Variants in MYH9 observed in about 807,000 individuals in gnomAD.
MYH9 encodes the protein myosin-9.
In MYH9, 29 loss-of-function variants were observed where a neutral mutation model predicts 241.9. The observed-to-expected ratio is 0.12, with a 90% confidence interval of 0.09 to 0.16. The LOEUF (loss-of-function observed/expected upper bound fraction) is 0.16, where lower values mean the gene tolerates loss of function less well. Among genes scored for constraint, MYH9 ranks in the 10% least tolerant of loss-of-function variants. The pLI is 1.00. For synonymous variants in MYH9, 1,047 were observed against 1,062.6 expected (o/e 0.99, Z 0.29); for missense variants, 1,803 against 2,595.5 (o/e 0.69, Z 6.63).
Position 36,292,130 on chromosome 22 carries a change from C to T in MYH9, c.4200G>A (p.Arg1400=). Residue 1400 remains arginine, a synonymous_variant, in exon 31 of 41, where the codon CGG becomes CGA. Coordinates refer to ENST00000216181, the MANE Select transcript of MYH9 (RefSeq NM_002473.6). The part of the protein sequence containing the change: ...LQKDLEGLSQ[R]HEEKVAAYDK... ...CGTAGGCGGCCACCTTCTCCTCGTG[C>T]CGCTGGCTCAGGCCCTCCAGGTCCT... is the stretch of plus-strand genomic sequence containing the variant. 2 of 1,614,216 alleles carry T rather than the reference C, an allele frequency of 1.2e-6. No individual in the cohort carries two copies. The highest frequency in any genetic ancestry group is 1.7e-6 in the Non-Finnish European group (2 of 1,180,050).
chr22:36,319,470 C>T, intron 10 of MYH9, 70 bp downstream of exon 10: 1 of 1,443,784 alleles, frequency 6.9e-7, no homozygotes, highest in Non-Finnish European at 9.7e-7. Context: ...TCCGCAAGAC[C>T]TTCCCTCCTG....
At chr22:36,384,450 G>A (rs1166723371) in intron 1 of MYH9, among the ~76,000 whole-genome samples, 1 of 149,126 alleles carries the variant, frequency 6.7e-6, no homozygotes, top group East Asian at 2.0e-4. Context: ...GGGTGTGGTG[G>A]TGGGCACCTG....
chr22:36,365,633 G>A (rs1440900859), intron 1 of MYH9, among the ~76,000 whole-genome samples: 2 of 151,946 alleles, frequency 1.3e-5, no homozygotes, highest in Non-Finnish European at 2.9e-5. Context: ...GCTAAATTTT[G>A]TATTTTTAGC....
Position 36,288,332 on chromosome 22 carries a change from C to T in MYH9, c.4852G>A (p.Asp1618Asn). Residue 1618 changes from aspartate to asparagine, a missense_variant, in exon 34 of 41, where the codon GAC (aspartate) becomes AAC (asparagine). This residue lies in a region of MYH9 where 876 missense variants were observed against 1,077.8 expected (regional missense o/e 0.81). Coordinates refer to ENST00000216181, the MANE Select transcript of MYH9 (RefSeq NM_002473.6). This position sits in a 1 kb window ranked among gnomAD's most constrained non-coding sequence, Gnocchi z 4.8. ...ATGTGCGCCTCCAGGTCCTTCAGGT[C>T]CATCTCCAGCTTCTTCCGGGCGGCC... ...AVAARKKLEMDLKDLEAHIDS... is the reference protein window; with the variant it reads ...AVAARKKLEMNLKDLEAHIDS... The T allele has an allele frequency of 1.2e-6, 2 of 1,614,106 alleles. No homozygotes were observed. The highest frequency in any genetic ancestry group is 8.5e-7 in the Non-Finnish European group (1 of 1,180,024).
At chr22:36,339,984 G>A (rs561075493) in intron 3 of MYH9, among the ~76,000 whole-genome samples, 4 of 152,226 alleles carry the variant, frequency 2.6e-5, no homozygotes, top group African/African-American at 9.6e-5. Flanking sequence ...CTTCAGTCAT[G>A]TTTTTAAAAA....
chr22:36,344,232 G>A (rs1204519305), intron 2 of MYH9, among the ~76,000 whole-genome samples: 5 of 152,242 alleles, frequency 3.3e-5, no homozygotes, highest in East Asian at 1.9e-4. Flanking sequence ...CACGCGGCGC[G>A]GCCACGACAC....
At chr22:36,302,036 C>T (rs1214995352) in intron 20 of MYH9, among the ~76,000 whole-genome samples, 6 of 152,080 alleles carry the variant, frequency 3.9e-5, no homozygotes, top group Non-Finnish European at 7.4e-5. Context: ...ATGGAACGTA[C>T]GAACTACAAC....
At chr22:36,347,843 C>T (rs547113056) in intron 2 of MYH9, among the ~76,000 whole-genome samples, 15 of 147,708 alleles carry the variant, frequency 1.0e-4, no homozygotes, top group Non-Finnish European at 1.9e-4. Flanking sequence ...GCAGAGATAC[C>T]AAAAATGGGC....
At chr22:36,360,350 G>A (rs1186848975) in intron 1 of MYH9, among the ~76,000 whole-genome samples, 4 of 152,022 alleles carry the variant, frequency 2.6e-5, no homozygotes, top group Non-Finnish European at 2.9e-5. Flanking sequence ...ATGGAATGCC[G>A]TCTCCCTATG....
At chr22:36,352,612 C>G (rs1055837913) in intron 1 of MYH9, among the ~76,000 whole-genome samples, 2 of 151,298 alleles carry the variant, frequency 1.3e-5, no homozygotes, top group African/African-American at 4.9e-5. Context: ...CCCTCAGAAC[C>G]TCACCCTGTC....
At position 36,288,652 on chromosome 22, in the gene MYH9, G is replaced by A; in HGVS notation, c.4770+75C>T. 1 of 1,548,508 alleles carries A rather than the reference G, an allele frequency of 6.5e-7. No individual in the cohort carries two copies. Among genetic ancestry groups the A allele is most frequent in the Non-Finnish European group, 8.8e-7 (1 of 1,134,572 alleles). On this transcript the variant is annotated intron_variant, in intron 33 of 40. Coordinates refer to ENST00000216181, the MANE Select transcript of MYH9 (RefSeq NM_002473.6). This position sits in a 1 kb window ranked among gnomAD's most constrained non-coding sequence, Gnocchi z 4.8. ...AAGGGGCCCTAACACAATCCAGGTG[G>A]AAGGAGAGAACAGAAGCCTGCGTGA... is the stretch of plus-strand genomic sequence containing the variant.
At chr22:36,352,243 T>C (rs1172221204) in intron 1 of MYH9, among the ~76,000 whole-genome samples, 1 of 152,154 alleles carries the variant, frequency 6.6e-6, no homozygotes, top group Non-Finnish European at 1.5e-5. Flanking sequence ...CAACAAATAT[T>C]TGCCGGATGT....
At chr22:36,323,950 C>T (rs1447514270) in intron 5 of MYH9, among the ~76,000 whole-genome samples, 13 of 152,222 alleles carry the variant, frequency 8.5e-5, no homozygotes, top group Non-Finnish European at 7.3e-5. Flanking sequence ...AGGCCTCGGG[C>T]GGGCCTGGGA....
chr22:36,317,454 C>T (rs911257310), intron 11 of MYH9, among the ~76,000 whole-genome samples: 5 of 152,030 alleles, frequency 3.3e-5, no homozygotes, highest in Admixed American at 1.3e-4. Flanking sequence ...GTCAGGGAAA[C>T]GAACAGGTGG....
In MYH9 at chr22:36,282,039, G is replaced by A. The variant is rs376656356; in HGVS notation, c.*629C>T. The A allele has an allele frequency of 7.3e-5, 17 of 234,088 alleles. No homozygotes were observed. The highest frequency in any genetic ancestry group is 2.7e-4 in the African/African-American group (12 of 45,260). The allele number at this position is 234,088 out of a possible 1,614,324, so 14.5% of individuals were successfully genotyped here. ...CAGGAGGGAGACAGCGGACAGTGGC[G>A]CTGCCTGGGACAGGGTGGGGAGGAA... On this transcript the variant is annotated 3_prime_UTR_variant, in exon 41 of 41. Coordinates refer to ENST00000216181, the MANE Select transcript of MYH9 (RefSeq NM_002473.6).
intron 11 of MYH9, among the ~76,000 whole-genome samples, chr22:36,317,998 G>A (rs868172739): frequency 1.3e-4 from 20 of 152,340 alleles, no homozygotes; most frequent in Middle Eastern, 3.4e-3. Flanking sequence ...CTTCCTGGGC[G>A]TGAAGCCTTG....
intron 1 of MYH9, among the ~76,000 whole-genome samples, chr22:36,370,799 GGAGCAGA>G (rs2018079013): frequency 6.6e-6 from 1 of 152,062 alleles, no homozygotes; most frequent in Non-Finnish European, 1.5e-5. Context: ...GTAGAAGCCC[GGAGCAGA>G]GAGCAAAGTG....
intron 2 of MYH9, among the ~76,000 whole-genome samples, chr22:36,341,936 T>C (rs1285483775): frequency 1.3e-5 from 2 of 152,214 alleles, no homozygotes; most frequent in East Asian, 3.9e-4. Context: ...CAGCAAACTG[T>C]AGAAACACAA....
Position 36,294,188 on chromosome 22 carries a change from G to T in MYH9, c.3741C>A (p.Arg1247=), listed in dbSNP as rs762469234. 6.2e-7 allele frequency: 1 copy of T among 1,613,914 alleles called. No individual in the cohort carries two copies. The highest frequency in any genetic ancestry group is 2.2e-5 in the East Asian group (1 of 44,880). ...LQGKGDSEHK[R]KKVEAQLQEL... is the part of the protein sequence containing the mutation. ...CCTGCAGCTGCGCCTCCACTTTCTT[G>T]CGCTTGTGCTCCGAGTCCCCTTTGC... Residue 1247 remains arginine, a synonymous_variant, in exon 28 of 41, where the codon CGC becomes CGA. Transcript: ENST00000216181.
Sources: allele counts gnomAD v4.1 joint callset (sites outside exome capture counted in the v4.1 genomes callset), GRCh38; gene constraint gnomAD v4.1.1; regional missense constraint gnomAD v4.1.1; non-coding constraint Gnocchi (gnomAD v3.1); transcripts MANE v1.5; gene names NCBI Gene and HGNC (gene_info 2026-07-23, HGNC 2026-07-21).